Variants in TRAP1 observed in about 807,000 individuals in gnomAD.
The protein encoded by TRAP1 is TNF receptor associated protein 1.
Under a neutral mutation model 89.1 loss-of-function variants are expected in TRAP1, and 102 were observed. That is an observed-to-expected ratio of 1.15 (90% CI 0.98 to 1.35). TRAP1 has a LOEUF of 1.35. Among genes scored for constraint, TRAP1 ranks in the 40% most tolerant of loss-of-function variants. TRAP1 has a pLI of 0.00. For synonymous variants in TRAP1, 508 were observed against 388.0 expected, an observed-to-expected ratio of 1.31 and a Z score of -3.64; for missense variants, 1,256 against 945.3, an observed-to-expected ratio of 1.33 and a Z score of -4.31.
chr16:3,662,583 C>A, intron 15 of TRAP1: 1 of 613,970 alleles, frequency 1.6e-6, no homozygotes, highest in Non-Finnish European at 3.0e-6. Flanking sequence ...GTAGCATGTC[C>A]CTTGTTTGGA....
At chr16:3,662,787 G>A (rs1279578552) in intron 15 of TRAP1, 95 bp downstream of exon 15, 1 of 1,168,294 alleles carries the variant, frequency 8.6e-7, no homozygotes, top group Non-Finnish European at 1.3e-6. Context: ...GCTGCTGGAA[G>A]GACACCCAAC....
intron 13 of TRAP1, 200 bp from the exon 14 acceptor site, chr16:3,663,762 A>C: frequency 1.6e-6 from 1 of 620,942 alleles, no homozygotes; most frequent in East Asian, 2.8e-5. Context: ...TCAAGGCAGA[A>C]GCACTCCACG....
intron 1 of TRAP1, among the ~76,000 whole-genome samples, chr16:3,709,654 T>TTGTG (rs538895435): frequency 1.3e-5 from 2 of 151,898 alleles, no homozygotes; most frequent in South Asian, 4.1e-4. Flanking sequence ...TCCCTTTTTT[T>TTGTG]TGTGTGTGTG....
intron 1 of TRAP1, among the ~76,000 whole-genome samples, chr16:3,693,596 A>G (rs1224202997): frequency 1.3e-5 from 2 of 152,174 alleles, no homozygotes; most frequent in Non-Finnish European, 2.9e-5. Flanking sequence ...CCATTTGTGT[A>G]AAAGAAACAC....
intron 3 of TRAP1, 86 bp from the exon 4 acceptor site, chr16:3,686,222 T>C: frequency 6.8e-7 from 1 of 1,470,208 alleles, no homozygotes; most frequent in Non-Finnish European, 9.4e-7. Flanking sequence ...CCAATAACTG[T>C]TAAAAGGTAG....
chr16:3,714,770 T>C (rs928958827), intron 1 of TRAP1, among the ~76,000 whole-genome samples: 1 of 152,078 alleles, frequency 6.6e-6, no homozygotes, highest in African/African-American at 2.4e-5. Flanking sequence ...TGAGGCAGCG[T>C]AGCATGGGCG....
chr16:3,688,675 A>G (rs1220652398), intron 3 of TRAP1, among the ~76,000 whole-genome samples: 1 of 151,766 alleles, frequency 6.6e-6, no homozygotes, highest in African/African-American at 2.4e-5. Context: ...GTAGAGACGG[A>G]GTCTTGCTGT....
At chr16:3,703,372 A>G (rs1215626759) in intron 1 of TRAP1, among the ~76,000 whole-genome samples, 2 of 151,840 alleles carry the variant, frequency 1.3e-5, no homozygotes, top group Non-Finnish European at 2.9e-5. Context: ...CTTGGAAAGC[A>G]TGGGATTATA....
chr16:3,659,492 A>AG (rs1410809931), intron 16 of TRAP1: 2 of 152,206 alleles, frequency 1.3e-5, no homozygotes, highest in Non-Finnish European at 2.9e-5. Flanking sequence ...CAAACCAAAA[A>AG]GTAAAGAATG....
chr16:3,672,951 G>A (rs532458138), intron 9 of TRAP1, 131 bp from the exon 10 acceptor site: 2 of 1,362,464 alleles, frequency 1.5e-6, no homozygotes, highest in Non-Finnish European at 1.9e-6. Flanking sequence ...TCTGCTCTGA[G>A]TTGAAGCCCA....
intron 16 of TRAP1, 58 bp downstream of exon 16, chr16:3,661,929 C>G: frequency 6.6e-7 from 1 of 1,525,944 alleles, no homozygotes; most frequent in East Asian, 2.3e-5. Flanking sequence ...CAAAAGAACA[C>G]CACACACAGG....
At chr16:3,662,751 T>G (rs2043159739) in intron 15 of TRAP1, 131 bp downstream of exon 15, 2 of 841,398 alleles carry the variant, frequency 2.4e-6, no homozygotes, top group African/African-American at 1.7e-5. Flanking sequence ...CCACAGGGTC[T>G]CCACCTGACA....
At chr16:3,702,053 C>T (rs1005522378) in intron 1 of TRAP1, among the ~76,000 whole-genome samples, 7 of 152,050 alleles carry the variant, frequency 4.6e-5, no homozygotes, top group Non-Finnish European at 8.8e-5. Context: ...ACTAAAAATA[C>T]AAAAATTAGC....
Position 3,658,090 on chromosome 16 carries a change from C to CTGTCATCTG in TRAP1, c.*30_*38dup. On this transcript the variant is annotated 3_prime_UTR_variant, in exon 18 of 18. Coordinates refer to ENST00000246957, the MANE Select transcript of TRAP1 (RefSeq NM_016292.3). The stretch of plus-strand genomic sequence containing the variant: ...GTAAATAAAGCTCAAGGAGGTGGGG[C>CTGTCATCTG]TGTCATCTGTGGTGTCAGTCCTTCT... The CTGTCATCTG allele has an allele frequency of 1.2e-6, 2 of 1,610,408 alleles. No individual in the cohort carries two copies. The highest frequency in any genetic ancestry group is 2.2e-5 in the South Asian group (2 of 90,882).
Position 3,658,091 on chromosome 16 carries a change from T to C in TRAP1, c.*38A>G. The C allele has an allele frequency of 6.2e-7, 1 of 1,610,998 alleles. No individual in the cohort carries two copies. The highest frequency in any genetic ancestry group is 2.2e-5 in the East Asian group (1 of 44,860). ...TAAATAAAGCTCAAGGAGGTGGGGCTGTCATCTGTGGTGTCAGTCCTTCTG... is the reference window on the plus strand; with the variant it reads ...TAAATAAAGCTCAAGGAGGTGGGGCCGTCATCTGTGGTGTCAGTCCTTCTG... On this transcript the variant is annotated 3_prime_UTR_variant, in exon 18 of 18. Transcript: ENST00000246957.
At chr16:3,708,540 G>A (rs925527019) in intron 1 of TRAP1, among the ~76,000 whole-genome samples, 2 of 152,110 alleles carry the variant, frequency 1.3e-5, no homozygotes, top group Non-Finnish European at 2.9e-5. Flanking sequence ...GGGAGGCTGA[G>A]GCAGGAGAAA....
chr16:3,695,215 G>A (rs1019227229), intron 1 of TRAP1, among the ~76,000 whole-genome samples: 12 of 152,078 alleles, frequency 7.9e-5, no homozygotes, highest in Non-Finnish European at 1.3e-4. Flanking sequence ...AACATCTTTC[G>A]TGGGGAGACA....
At chr16:3,712,266 C>T (rs1015358903) in intron 1 of TRAP1, among the ~76,000 whole-genome samples, 1 of 105,926 alleles carries the variant, frequency 9.4e-6, no homozygotes, top group African/African-American at 3.7e-5. Flanking sequence ...TTCAGCCTGG[C>T]GACAGAAAGA....
chr16:3,700,644 T>C (rs1455284681), intron 1 of TRAP1, among the ~76,000 whole-genome samples: 2 of 151,928 alleles, frequency 1.3e-5, no homozygotes, highest in Non-Finnish European at 2.9e-5. Context: ...TTTTATATTT[T>C]TAGTAGAGAT....
Sources: gnomAD v4.1 joint callset for allele counts (sites outside exome capture counted in the v4.1 genomes callset) on GRCh38, gnomAD v4.1.1 for gene constraint, MANE v1.5 for transcripts, NCBI Gene and HGNC (gene_info 2026-07-23, HGNC 2026-07-21) for gene names.